SNX24: variants seen among roughly 807,000 people sequenced by gnomAD.
SNX24 encodes sorting nexin 24.
Under a neutral mutation model 28.7 loss-of-function variants are expected in SNX24, and 22 were observed. The ratio of observed to expected loss-of-function variants is 0.77; its 90% CI spans 0.55 to 1.10. The LOEUF (loss-of-function observed/expected upper bound fraction) is 1.10. Among genes scored for constraint, SNX24 ranks in the 50% least tolerant of loss-of-function variants. The pLI is 0.00. For synonymous variants in SNX24, 69 were observed against 71.5 expected (o/e 0.96, Z 0.18); for missense variants, 221 against 201.1 (o/e 1.10, Z -0.60).
downstream of SNX24, among the ~76,000 whole-genome samples, chr5:123,010,079 AT>A (rs1762541852): frequency 2.6e-5 from 4 of 152,132 alleles, no homozygotes; most frequent in South Asian, 8.3e-4. Flanking sequence ...CTGCATCACA[AT>A]TGCCTATCAA....
In SNX24 at chr5:122,963,498, T is replaced by A. The variant is rs1206805082; in HGVS notation, c.249+17339T>A. 2.0e-5 allele frequency among the ~76,000 whole-genome samples: 3 copies of A among 152,364 alleles called. No homozygotes were observed. In the East Asian group the frequency reaches 5.8e-4, roughly 29 times the overall value. On this transcript the variant is annotated intron_variant, in intron 3 of 6. Transcript: ENST00000261369. The stretch of plus-strand genomic sequence containing the variant: ...TAGATGGTTTTATCTGATGAAAACA[T>A]AATCCCTGAGTTGGCATTATATTTC...
At chr5:122,848,067 T>TA (rs1241246295) in intron 1 of SNX24, among the ~76,000 whole-genome samples, 1 of 152,130 alleles carries the variant, frequency 6.6e-6, no homozygotes, top group Non-Finnish European at 1.5e-5. Flanking sequence ...CACTTTCGTG[T>TA]AAAAAATATC....
At chr5:123,029,161 A>G (rs770880856) in intron 5 of SNX24, 1 of 1,475,352 alleles carries the variant, frequency 6.8e-7, no homozygotes. Context: ...TGCCCAAATA[A>G]TACATATTTA....
At chr5:122,868,882 A>C (rs535640514) in intron 1 of SNX24, among the ~76,000 whole-genome samples, 1 of 152,380 alleles carries the variant, frequency 6.6e-6, no homozygotes, top group Admixed American at 6.5e-5. Context: ...TCAGTCAAGT[A>C]GACACATAAA....
chr5:123,009,207 A>G (rs1050976686), downstream of SNX24: 16 of 984,872 alleles, frequency 1.6e-5, no homozygotes, highest in African/African-American at 1.9e-4. Context: ...ACAAGGAAAC[A>G]TTTGAGTTTG....
At chr5:122,994,314 C>T (rs1031956953) in intron 3 of SNX24, among the ~76,000 whole-genome samples, 2 of 152,140 alleles carry the variant, frequency 1.3e-5, no homozygotes, top group East Asian at 1.9e-4. Context: ...AATGGAAACT[C>T]GTGGGAAATC....
At chr5:122,887,236 C>T (rs1380355874) in intron 1 of SNX24, among the ~76,000 whole-genome samples, 11 of 152,148 alleles carry the variant, frequency 7.2e-5, no homozygotes. Flanking sequence ...CATCTTTTAT[C>T]AACACTTTGA....
intron 3 of SNX24, among the ~76,000 whole-genome samples, chr5:122,992,964 CTTT>C (rs35758148): frequency 7.0e-6 from 1 of 143,494 alleles, no homozygotes; most frequent in Non-Finnish European, 1.5e-5. Flanking sequence ...AAATGTATTC[CTTT>C]TTTTTTTTTT....
intron 1 of SNX24, among the ~76,000 whole-genome samples, chr5:122,869,019 T>A (rs1755857515): frequency 1.3e-5 from 2 of 152,276 alleles, no homozygotes; most frequent in Admixed American, 6.5e-5. Context: ...TATCTGATAT[T>A]TATTTGCAGT....
chr5:123,008,141 T>C lies in SNX24; in HGVS notation c.*392T>C. 1.0e-6 allele frequency: 1 copy of C among 995,462 alleles called. No individual in the cohort carries two copies. Among genetic ancestry groups the C allele is most frequent in the Non-Finnish European group, 1.2e-6 (1 of 836,964 alleles). 61.7% of individuals were successfully genotyped at this position (995,462 alleles called of 1,614,324 possible). ...TGAGACTGATCAACTTTGGTAGCTT[T>C]TTTGTTCAGATCTTATGACACACTA... is the stretch of plus-strand genomic sequence containing the variant. On this transcript the variant is annotated 3_prime_UTR_variant, in exon 7 of 7. Coordinates refer to ENST00000261369, the MANE Select transcript of SNX24 (RefSeq NM_014035.4).
At chr5:122,883,477 A>C (rs1756567821) in intron 1 of SNX24, among the ~76,000 whole-genome samples, 1 of 152,170 alleles carries the variant, frequency 6.6e-6, no homozygotes, top group Admixed American at 6.5e-5. Context: ...TTTTCTTTTC[A>C]AATTTTAAAC....
At chr5:122,958,110 G>A (rs1456369875) in intron 3 of SNX24, among the ~76,000 whole-genome samples, 2 of 152,124 alleles carry the variant, frequency 1.3e-5, no homozygotes, top group African/African-American at 4.8e-5. Context: ...CATGGTTGTA[G>A]AAGAAAAGCT....
At chr5:122,871,358 G>A (rs1755970211) in intron 1 of SNX24, among the ~76,000 whole-genome samples, 1 of 152,172 alleles carries the variant, frequency 6.6e-6, no homozygotes, top group Non-Finnish European at 1.5e-5. Flanking sequence ...CCTGTAGAGT[G>A]TATATTTAGC....
chr5:122,974,355 T>TA (rs1388708213), intron 3 of SNX24, among the ~76,000 whole-genome samples: 4 of 152,204 alleles, frequency 2.6e-5, no homozygotes, highest in African/African-American at 9.6e-5. Flanking sequence ...ACCAGTGTGA[T>TA]ACCTTGTGGA....
intron 1 of SNX24, among the ~76,000 whole-genome samples, chr5:122,882,009 A>G (rs2150061654): frequency 6.7e-6 from 1 of 150,174 alleles, no homozygotes; most frequent in Admixed American, 6.7e-5. Flanking sequence ...CCACTCTGTC[A>G]CTCAGGCTGG....
intron 3 of SNX24, among the ~76,000 whole-genome samples, chr5:122,967,995 T>C (rs1195461162): frequency 1.3e-5 from 2 of 152,204 alleles, no homozygotes; most frequent in African/African-American, 4.8e-5. Flanking sequence ...AAACAAATCT[T>C]GGAGAGAATA....
chr5:122,937,267 A>G lies in SNX24; in HGVS notation c.144+450A>G, dbSNP rs3797069. Among the ~76,000 whole-genome samples the G allele has an allele frequency of 1.2e-3, 189 of 152,378 alleles. 4 individuals carry two copies. In the East Asian group the frequency reaches 0.03, roughly 24 times the overall value. On this transcript the variant is annotated intron_variant, in intron 2 of 6. Transcript: ENST00000261369. ...TACTTCTGTATTCAAAGTAACATAT[A>G]CATGTACTTGTATATTCAAAGACAG...
chr5:122,926,947 T>G (rs1758725291), intron 1 of SNX24, among the ~76,000 whole-genome samples: 1 of 152,200 alleles, frequency 6.6e-6, no homozygotes, highest in South Asian at 2.1e-4. Flanking sequence ...ATGAATGTGG[T>G]CATTGTTACT....
chr5:122,871,361 T>C (rs528312944), intron 1 of SNX24, among the ~76,000 whole-genome samples: 2 of 152,312 alleles, frequency 1.3e-5, no homozygotes, highest in South Asian at 4.1e-4. Context: ...GTAGAGTGTA[T>C]ATTTAGCATA....
Sources: gnomAD v4.1 joint callset for allele counts (sites outside exome capture counted in the v4.1 genomes callset) on GRCh38, gnomAD v4.1.1 for gene constraint, MANE v1.5 for transcripts, NCBI Gene and HGNC (gene_info 2026-07-23, HGNC 2026-07-21) for gene names.